FGD2: variants seen among roughly 807,000 people sequenced by gnomAD.
FGD2 encodes FYVE, RhoGEF and PH domain containing 2, also known as FYVE, RhoGEF and PH domain-containing protein 2.
A neutral mutation model predicts 75.9 loss-of-function variants in FGD2; 52 were observed. The observed-to-expected ratio is 0.69, with a 90% CI of 0.55 to 0.86. FGD2 has a LOEUF of 0.86. Ranked by LOEUF, FGD2 falls within the 40% of genes least tolerant of loss-of-function variation. FGD2 has a pLI of 0.00. For missense variants in FGD2, 790 were observed against 872.0 expected (o/e 0.91, Z 1.18); for synonymous variants, 347 against 348.6 (o/e 1.00, Z 0.05).
At chr6:37,017,702 T>C (rs1765366991) in intron 9 of FGD2, among the ~76,000 whole-genome samples, 1 of 152,120 alleles carries the variant, frequency 6.6e-6, no homozygotes, top group Non-Finnish European at 1.5e-5. Context: ...GCATCACCCC[T>C]ACCCCCTTCA....
At position 37,021,497 on chromosome 6, in the gene FGD2, C is replaced by A. The variant is rs374808411; in HGVS notation, c.1234-15C>A. On this transcript the variant is annotated splice_polypyrimidine_tract_variant and intron_variant, in intron 11 of 15. Coordinates refer to ENST00000274963, the MANE Select transcript of FGD2 (RefSeq NM_173558.4). ...CACACCTCAAGCCCCGACCCTCCCCCTCCCTGCACCCCAGGCCTTCCAAGC... is the reference window on the plus strand; with the variant it reads ...CACACCTCAAGCCCCGACCCTCCCCATCCCTGCACCCCAGGCCTTCCAAGC... 8 of 1,610,826 alleles carry A rather than the reference C, an allele frequency of 5.0e-6. No homozygotes were observed. Among genetic ancestry groups the A allele is most frequent in the East Asian group, 4.5e-5 (2 of 44,820 alleles).
At chr6:37,013,100 ACCTG>A in intron 4 of FGD2, 1 of 152,698 alleles carries the variant, frequency 6.5e-6, no homozygotes, top group Non-Finnish European at 1.5e-5. Context: ...CCTGGGCTCA[ACCTG>A]CCTGCCTGCC....
intron 3 of FGD2, 104 bp from the exon 4 acceptor site, chr6:37,011,602 G>A: frequency 6.8e-7 from 1 of 1,478,668 alleles, no homozygotes; most frequent in Non-Finnish European, 9.3e-7. Context: ...GGAGATCAGG[G>A]AGGTGGAAGC....
At position 37,027,433 on chromosome 6, in the gene FGD2, G is replaced by A. The variant is rs746069675; in HGVS notation, c.1610G>A (p.Gly537Glu). 2.4e-5 allele frequency: 38 copies of A among 1,603,256 alleles called. No homozygotes were observed. Among genetic ancestry groups the A allele is most frequent in the Non-Finnish European group, 3.1e-5 (36 of 1,172,336 alleles). Residue 537 changes from glycine to glutamate, a missense_variant, in exon 15 of 16, where the codon GGG (glycine) becomes GAG (glutamate). By Grantham distance (98) the Gly-to-Glu change is moderately conservative (BLOSUM62 -2). Transcript: ENST00000274963. ...AGTCCCTCCTTCTGGTTTTAGAAAGGGTCCTCAGCCACGCCTGACCAGAGC... is the reference window on the plus strand; with the variant it reads ...AGTCCCTCCTTCTGGTTTTAGAAAGAGTCCTCAGCCACGCCTGACCAGAGC... ...EDKRRGILEK[G>E]SSATPDQSLM...
In FGD2 at chr6:37,021,303, C is replaced by T. The variant is rs557483649; in HGVS notation, c.1234-209C>T. ...TAGCTGGGCAGTCCAGGGCCAGTCA[C>T]TTACCCTCTCTGAGCCTCAGTTTTT... On this transcript the variant is annotated intron_variant, in intron 11 of 15. Transcript: ENST00000274963. Among the ~76,000 whole-genome samples, 6 of 152,286 alleles carry T rather than the reference C, an allele frequency of 3.9e-5. No individual in the cohort carries two copies. The South Asian group carries it at 6.2e-4, about 16-fold the overall frequency.
chr6:37,029,061 T>A lies in FGD2; in HGVS notation c.*898T>A, dbSNP rs1765971861. On this transcript the variant is annotated 3_prime_UTR_variant, in exon 16 of 16. Transcript: ENST00000274963. ...AGTAATAATAATAATAAACATCTAT[T>A]GGACCAGGCTCTGTGCAAGGTGTTT... 6.6e-6 allele frequency: 1 copy of A among 151,992 alleles called. No individual in the cohort carries two copies. Among genetic ancestry groups the A allele is most frequent in the South Asian group, 2.1e-4 (1 of 4,822 alleles). The allele number at this position is 151,992 out of a possible 1,614,324, so 9.4% of individuals were successfully genotyped here.
chr6:37,013,521 G>T, intron 4 of FGD2, 88 bp from the exon 5 acceptor site: 1 of 1,528,094 alleles, frequency 6.5e-7, no homozygotes, highest in Non-Finnish European at 8.8e-7. Context: ...TTGCTTTGGG[G>T]GATTCAGGGA....
chr6:37,027,715 G>A, intron 15 of FGD2, 140 bp downstream of exon 15: 2 of 1,207,102 alleles, frequency 1.7e-6, no homozygotes, highest in Non-Finnish European at 2.3e-6. Flanking sequence ...GTATCCTGGA[G>A]TCTCAAGGTT....
chr6:37,015,118 C>A, intron 8 of FGD2, 80 bp downstream of exon 8: 1 of 1,504,028 alleles, frequency 6.6e-7, no homozygotes, highest in Non-Finnish European at 8.9e-7. Flanking sequence ...TACTGCCTGG[C>A]CTCTACCTGG....
chr6:37,013,485 C>T, intron 4 of FGD2, 124 bp from the exon 5 acceptor site: 1 of 1,477,742 alleles, frequency 6.8e-7, no homozygotes. Context: ...CGTACCCCGC[C>T]CACACCCAGA....
intron 6 of FGD2, 172 bp from the exon 7 acceptor site, chr6:37,014,474 C>A: frequency 1.4e-6 from 1 of 733,020 alleles, no homozygotes; most frequent in Non-Finnish European, 2.2e-6. Flanking sequence ...GTCTCTCAGC[C>A]CTGGGGGGCT....
At chr6:37,027,745 C>A in intron 15 of FGD2, 170 bp downstream of exon 15, 1 of 1,062,638 alleles carries the variant, frequency 9.4e-7, no homozygotes, top group Non-Finnish European at 1.3e-6. Context: ...CAGAATTGTG[C>A]CCTGACTCTA....
intron 1 of FGD2, among the ~76,000 whole-genome samples, 173 bp from the exon 2 acceptor site, chr6:37,008,661 T>C (rs1229807806): frequency 1.3e-5 from 2 of 152,144 alleles, no homozygotes; most frequent in African/African-American, 4.8e-5. Flanking sequence ...CCTCCAAGAA[T>C]GTGTTGGGAG....
At chr6:37,016,066 C>T (rs1221034101) in intron 9 of FGD2, among the ~76,000 whole-genome samples, 1 of 152,152 alleles carries the variant, frequency 6.6e-6, no homozygotes, top group African/African-American at 2.4e-5. Flanking sequence ...ACAGGTTTGG[C>T]CCTCCCTTCG....
chr6:37,007,246 A>G (rs1764796381), intron 1 of FGD2, among the ~76,000 whole-genome samples: 1 of 152,204 alleles, frequency 6.6e-6, no homozygotes, highest in Admixed American at 6.5e-5. Flanking sequence ...GAGGGCACTC[A>G]TGGCAGGCAA....
intron 9 of FGD2, among the ~76,000 whole-genome samples, chr6:37,018,218 G>A (rs1174091114): frequency 6.6e-6 from 1 of 152,188 alleles, no homozygotes; most frequent in East Asian, 1.9e-4. Context: ...AAAACAGAGA[G>A]AGCCGAGCCT....
intron 9 of FGD2, among the ~76,000 whole-genome samples, chr6:37,017,960 G>A (rs1032686633): frequency 5.9e-5 from 9 of 152,170 alleles, no homozygotes; most frequent in South Asian, 2.1e-4. Context: ...GTGCAGCCCC[G>A]GCCCTGGCAT....
intron 9 of FGD2, among the ~76,000 whole-genome samples, chr6:37,018,516 G>A (rs1765412905): frequency 6.6e-6 from 1 of 152,202 alleles, no homozygotes; most frequent in Non-Finnish European, 1.5e-5. Flanking sequence ...GTGTCAGGGA[G>A]GCCTAGTTCA....
In FGD2 at chr6:37,013,623, G is replaced by A. The variant is rs75714191; in HGVS notation, c.542G>A (p.Arg181His). ...RRLDDWTANP[R>H]IGDVIQKLAP... is the part of the protein sequence containing the mutation. ...CCCTCCTGCAGGACAGCTAACCCCC[G>A]CATCGGTGACGTGATCCAGAAGCTG... Residue 181 changes from arginine (R) to histidine (H), a missense_variant, in exon 5 of 16, where the codon CGC becomes CAC. Transcript: ENST00000274963. The A allele has an allele frequency of 3.9e-5, 63 of 1,613,948 alleles. No homozygotes were observed. In the East Asian group the frequency reaches 9.1e-4, roughly 23 times the overall value.
Sources: allele counts gnomAD v4.1 joint callset (sites outside exome capture counted in the v4.1 genomes callset), GRCh38; gene constraint gnomAD v4.1.1; transcripts MANE v1.5; gene names NCBI Gene and HGNC (gene_info 2026-07-23, HGNC 2026-07-21).